TSHZ2: variants seen among roughly 807,000 people sequenced by gnomAD.
TSHZ2 encodes teashirt homolog 2.
In TSHZ2, 21 loss-of-function variants were observed where a neutral mutation model predicts 74.4. That is an observed-to-expected ratio of 0.28 (90% CI 0.20 to 0.41). TSHZ2 has a LOEUF of 0.41. Ranked by LOEUF, TSHZ2 falls within the 10% of genes least tolerant of loss-of-function variation. TSHZ2 has a pLI of 1.00. For missense variants in TSHZ2, 1,244 were observed against 1,293.5 expected, an observed-to-expected ratio of 0.96 and a Z score of 0.59; for synonymous variants, 540 against 515.3, an observed-to-expected ratio of 1.05 and a Z score of -0.65.
intron 1 of TSHZ2, among the ~76,000 whole-genome samples, chr20:53,097,227 G>A (rs1300078292): frequency 6.7e-6 from 1 of 148,178 alleles, no homozygotes; most frequent in Admixed American, 6.6e-5. Flanking sequence ...AACCCACTCA[G>A]GGGACAGAAT....
chr20:53,069,195 C>T (rs1985090902), intron 1 of TSHZ2, among the ~76,000 whole-genome samples: 1 of 152,072 alleles, frequency 6.6e-6, no homozygotes, highest in Non-Finnish European at 1.5e-5. Flanking sequence ...GAAGAGATAC[C>T]TTCCCAAGAA....
chr20:53,052,142 C>T (rs904406590), intron 1 of TSHZ2, among the ~76,000 whole-genome samples: 3 of 152,182 alleles, frequency 2.0e-5, no homozygotes, highest in African/African-American at 4.8e-5. Context: ...CCATTCTCTC[C>T]TACTCCCCAG....
intron 2 of TSHZ2, among the ~76,000 whole-genome samples, chr20:53,264,751 G>T (rs1269270138): frequency 2.0e-5 from 3 of 152,162 alleles, no homozygotes; most frequent in Non-Finnish European, 4.4e-5. Context: ...TTTATACAAA[G>T]CTTCTCCCTT....
chr20:53,366,799 CAT>C (rs749335624), intron 2 of TSHZ2, among the ~76,000 whole-genome samples: 5 of 152,194 alleles, frequency 3.3e-5, no homozygotes, highest in African/African-American at 4.8e-5. Flanking sequence ...AACAGAACCA[CAT>C]GTCTTTTCAA....
chr20:53,455,376 G>C (rs1985017770), intron 2 of TSHZ2: 1 of 152,072 alleles, frequency 6.6e-6, no homozygotes, highest in Non-Finnish European at 1.5e-5. Flanking sequence ...CTGTATCAAA[G>C]CGGTACCCAG....
intron 2 of TSHZ2, among the ~76,000 whole-genome samples, chr20:53,270,979 G>T (rs1034421143): frequency 1.3e-5 from 2 of 152,044 alleles, no homozygotes; most frequent in African/African-American, 4.8e-5. Flanking sequence ...AGACTCTCCC[G>T]TGAGCAGTAA....
intron 1 of TSHZ2, among the ~76,000 whole-genome samples, chr20:53,197,173 G>A (rs1600735692): frequency 6.6e-6 from 1 of 152,314 alleles, no homozygotes; most frequent in Non-Finnish European, 1.5e-5. Context: ...CAGCGAGGAA[G>A]GTTTACCAAA....
At chr20:53,083,426 A>G (rs1279296430) in intron 1 of TSHZ2, among the ~76,000 whole-genome samples, 8 of 152,246 alleles carry the variant, frequency 5.3e-5, no homozygotes, top group Admixed American at 3.3e-4. Flanking sequence ...TCACATTTCT[A>G]TCGGTTTTAA....
At chr20:53,192,444 A>C (rs1240197850) in intron 1 of TSHZ2, among the ~76,000 whole-genome samples, 1 of 152,168 alleles carries the variant, frequency 6.6e-6, no homozygotes, top group Non-Finnish European at 1.5e-5. Flanking sequence ...GTAGAGTAAA[A>C]AAGAAAGGGA....
intron 2 of TSHZ2, among the ~76,000 whole-genome samples, chr20:53,442,475 T>A (rs775020861): frequency 6.6e-6 from 1 of 152,138 alleles, no homozygotes; most frequent in Non-Finnish European, 1.5e-5. Flanking sequence ...AGAGGGAAGG[T>A]GCTGATAAGC....
rs957441898 is a variant in TSHZ2 at position 53,257,000 on chromosome 20, G to A, written c.*8+429G>A. On this transcript the variant is annotated intron_variant, in intron 2 of 2. Coordinates refer to ENST00000371497, the MANE Select transcript of TSHZ2 (RefSeq NM_173485.6). The surrounding 1 kb of genome is among the most constrained non-coding windows in gnomAD (Gnocchi z 4.3). ...TAAAGTGACAAAAAGTTGAGCAATG[G>A]AAGAAAGATTGGAGAGTGCTAGAAG... Among the ~76,000 whole-genome samples, 5 of 152,318 alleles carry A rather than the reference G, an allele frequency of 3.3e-5. No homozygotes were observed. The South Asian group carries it at 1.0e-3, about 32-fold the overall frequency.
At chr20:53,456,024 T>G in intron 2 of TSHZ2, among the ~76,000 whole-genome samples, 1 of 152,116 alleles carries the variant, frequency 6.6e-6, no homozygotes. Context: ...TAAACATATG[T>G]GTGCATGTGT....
intron 2 of TSHZ2, among the ~76,000 whole-genome samples, chr20:53,462,122 C>T (rs1989623): frequency 1.1e-4 from 17 of 151,942 alleles, no homozygotes; most frequent in Admixed American, 2.0e-4. Context: ...GGCATGGTGG[C>T]GGGCACCTGT....
At chr20:53,213,624 A>G (rs955535776) in intron 1 of TSHZ2, among the ~76,000 whole-genome samples, 5 of 152,182 alleles carry the variant, frequency 3.3e-5, no homozygotes, top group Admixed American at 2.0e-4. Context: ...AGTATTTCCT[A>G]TAGAAACAAC....
chr20:53,253,084 C>T (rs1343525565), intron 1 of TSHZ2, among the ~76,000 whole-genome samples: 1 of 151,850 alleles, frequency 6.6e-6, no homozygotes, highest in African/African-American at 2.4e-5. Context: ...CATCTAGATG[C>T]CAAGAGTCAA....
chr20:53,153,426 T>C (rs996105123), intron 1 of TSHZ2, among the ~76,000 whole-genome samples: 1 of 152,178 alleles, frequency 6.6e-6, no homozygotes, highest in Admixed American at 6.5e-5. Context: ...CATCAAATTG[T>C]ATATTGGGAT....
chr20:53,118,963 A>G (rs141129355), intron 1 of TSHZ2, among the ~76,000 whole-genome samples: 297 of 152,166 alleles, frequency 2.0e-3, no homozygotes, highest in African/African-American at 6.9e-3. Flanking sequence ...CGAGAGGGAG[A>G]GAGAGAGAGG....
chr20:53,440,716 C>G (rs1984279405), intron 2 of TSHZ2, among the ~76,000 whole-genome samples: 1 of 152,190 alleles, frequency 6.6e-6, no homozygotes, highest in South Asian at 2.1e-4. Context: ...TGCCTGGTCC[C>G]AACCTCAATT....
chr20:53,240,140 G>A (rs913599024), intron 1 of TSHZ2, among the ~76,000 whole-genome samples: 1 of 152,094 alleles, frequency 6.6e-6, no homozygotes, highest in African/African-American at 2.4e-5. Flanking sequence ...AAGTTTATGA[G>A]ATTATATGTT....
Sources: gnomAD v4.1 joint callset for allele counts (sites outside exome capture counted in the v4.1 genomes callset) on GRCh38, gnomAD v4.1.1 for gene constraint, Gnocchi (gnomAD v3.1) non-coding constraint, MANE v1.5 for transcripts, NCBI Gene and HGNC (gene_info 2026-07-23, HGNC 2026-07-21) for gene names.